STAM: variants seen among roughly 807,000 people sequenced by gnomAD.
STAM encodes the protein signal transducing adaptor molecule.
A neutral mutation model predicts 63.4 loss-of-function variants in STAM; 16 were observed. That is an observed-to-expected ratio of 0.25 (90% CI 0.17 to 0.38). The LOEUF (loss-of-function observed/expected upper bound fraction) is 0.38. Ranked by LOEUF, STAM falls within the 10% of genes least tolerant of loss-of-function variation. STAM has a pLI of 1.00. For synonymous variants in STAM, 238 were observed against 223.9 expected, an observed-to-expected ratio of 1.06 and a Z score of -0.56; for missense variants, 636 against 657.1, an observed-to-expected ratio of 0.97 and a Z score of 0.35.
At chr10:17,706,369 CTTTTTTTTTTTTTT>C (rs59585445) in intron 12 of STAM, among the ~76,000 whole-genome samples, 1 of 70,184 alleles carries the variant, frequency 1.4e-5, no homozygotes, top group Admixed American at 2.1e-4. Flanking sequence ...GGTTGAGGCC[CTTTTTTTTTTTTTT>C]TTTTTTTTTT....
chr10:17,687,673 T>C (rs141191429), intron 4 of STAM, among the ~76,000 whole-genome samples: 1 of 152,320 alleles, frequency 6.6e-6, no homozygotes, highest in East Asian at 1.9e-4. Context: ...ATAAAGGAAC[T>C]GTATCATTTA....
chr10:17,644,389 T>C lies in STAM; in HGVS notation c.40+10T>C, dbSNP rs546533993. ...TTCGATCAGGATGTTGGTAAGTGTT[T>C]TTGCCTCTCCCTGCCCATTCCTCAC... On this transcript the variant is annotated intron_variant, in intron 1 of 13. Coordinates refer to ENST00000377524, the MANE Select transcript of STAM (RefSeq NM_003473.4). 2.0e-4 allele frequency: 315 copies of C among 1,614,062 alleles called. No homozygotes were observed. In the South Asian group the frequency reaches 3.3e-3, roughly 17 times the overall value.
intron 6 of STAM, 53 bp from the exon 7 acceptor site, chr10:17,694,996 A>C (rs767787522): frequency 1.6e-5 from 24 of 1,535,726 alleles, no homozygotes; most frequent in Non-Finnish European, 2.0e-5. Context: ...CTACTTCTTC[A>C]GACTGTTGGA....
intron 2 of STAM, among the ~76,000 whole-genome samples, chr10:17,680,607 A>G (rs1554825233): frequency 6.6e-6 from 1 of 151,932 alleles, no homozygotes. Flanking sequence ...GGGTCCCACT[A>G]TATTGCCCAG....
chr10:17,644,826 G>A (rs1190727599), intron 1 of STAM, among the ~76,000 whole-genome samples: 2 of 152,172 alleles, frequency 1.3e-5, no homozygotes, highest in Non-Finnish European at 2.9e-5. Flanking sequence ...TTCCTTAGAG[G>A]ATTTTAAAAT....
chr10:17,700,821 C>CT (rs1554828320), intron 9 of STAM, among the ~76,000 whole-genome samples: 1 of 152,140 alleles, frequency 6.6e-6, no homozygotes, highest in Non-Finnish European at 1.5e-5. Context: ...CACTCATTGA[C>CT]TATCTATTGA....
chr10:17,662,271 T>G (rs1283945080), intron 2 of STAM, among the ~76,000 whole-genome samples: 15 of 152,168 alleles, frequency 9.9e-5, no homozygotes, highest in African/African-American at 3.1e-4. Flanking sequence ...CCAGTGCTTT[T>G]TTTCTACCTT....
At chr10:17,700,124 T>A (rs1835924186) in intron 8 of STAM, 67 bp from the exon 9 acceptor site, 1 of 1,314,934 alleles carries the variant, frequency 7.6e-7, no homozygotes, top group Non-Finnish European at 1.0e-6. Flanking sequence ...CTCTTGGAAG[T>A]TAAAGTGCTT....
rs782598564 is a variant in STAM at position 17,714,957 on chromosome 10, C to A, written c.*177C>A. ...AATTTACACTGACTTTTTAGAGGTT[C>A]TTCCCCCCCCGCCCCTGCAGAGGAA... On this transcript the variant is annotated 3_prime_UTR_variant, in exon 14 of 14. Coordinates refer to ENST00000377524, the MANE Select transcript of STAM (RefSeq NM_003473.4). 4.2e-4 allele frequency: 258 copies of A among 610,852 alleles called. 1 individual carries two copies. Among genetic ancestry groups the A allele is most frequent in the Non-Finnish European group, 3.0e-4 (104 of 348,482 alleles). The allele number at this position is 610,852 out of a possible 1,614,324, so 37.8% of individuals were successfully genotyped here.
chr10:17,654,345 C>G lies in STAM; in HGVS notation c.41-6119C>G, dbSNP rs555994352. On this transcript the variant is annotated intron_variant, in intron 1 of 13. Transcript: ENST00000377524. ...TCACGCCATTCTCCTGCCTCAGCCTCCCAGGTAGCTGGGACTACATGCGCC... is the reference window on the plus strand; with the variant it reads ...TCACGCCATTCTCCTGCCTCAGCCTGCCAGGTAGCTGGGACTACATGCGCC... Among the ~76,000 whole-genome samples, 335 of 152,180 alleles carry G rather than the reference C, an allele frequency of 2.2e-3. 1 individual carries two copies. The highest frequency in any genetic ancestry group is 3.7e-3 in the Non-Finnish European group (254 of 68,028).
chr10:17,668,528 C>G (rs1324777498), intron 2 of STAM, among the ~76,000 whole-genome samples: 2 of 152,156 alleles, frequency 1.3e-5, no homozygotes, highest in Non-Finnish European at 2.9e-5. Flanking sequence ...TGACATGTGT[C>G]TACCATTGTG....
chr10:17,703,425 T>A (rs1051413279), intron 9 of STAM, among the ~76,000 whole-genome samples: 3 of 152,092 alleles, frequency 2.0e-5, no homozygotes, highest in Non-Finnish European at 4.4e-5. Flanking sequence ...ACATAGTTTT[T>A]AAATTTTAAA....
At chr10:17,673,293 C>T (rs7076634) in intron 2 of STAM, among the ~76,000 whole-genome samples, 15,131 of 152,138 alleles carry the variant, frequency 0.099, 804 homozygotes, top group Middle Eastern at 0.15. Flanking sequence ...TTCCACTTAG[C>T]GAACTCAGTG....
chr10:17,710,594 C>T (rs1422899112), intron 13 of STAM, among the ~76,000 whole-genome samples: 1 of 152,328 alleles, frequency 6.6e-6, no homozygotes, highest in African/African-American at 2.4e-5. Context: ...CAGCACTGTT[C>T]CTCCTGTGTG....
intron 13 of STAM, among the ~76,000 whole-genome samples, chr10:17,711,314 GATA>G (rs1321113475): frequency 2.0e-5 from 3 of 152,128 alleles, no homozygotes; most frequent in Non-Finnish European, 4.4e-5. Flanking sequence ...ATTATAAGGT[GATA>G]ATAAGTGACA....
Position 17,644,399 on chromosome 10 carries a change from C to T in STAM, c.40+20C>T, listed in dbSNP as rs1554820535. The T allele has an allele frequency of 3.7e-6, 6 of 1,613,906 alleles. No individual in the cohort carries two copies. The Admixed American group carries it at 1.0e-4, about 27-fold the overall frequency. On this transcript the variant is annotated intron_variant, in intron 1 of 13. Coordinates refer to ENST00000377524, the MANE Select transcript of STAM (RefSeq NM_003473.4). ...ATGTTGGTAAGTGTTTTTGCCTCTCCCTGCCCATTCCTCACCGGACTGCAC... is the reference window on the plus strand; with the variant it reads ...ATGTTGGTAAGTGTTTTTGCCTCTCTCTGCCCATTCCTCACCGGACTGCAC...
At chr10:17,683,580 T>A (rs1242212182) in intron 2 of STAM, among the ~76,000 whole-genome samples, 1 of 152,212 alleles carries the variant, frequency 6.6e-6, no homozygotes, top group Non-Finnish European at 1.5e-5. Flanking sequence ...TCAAATTTAC[T>A]GATCTTTCAT....
At chr10:17,653,392 A>G (rs527579106) in intron 1 of STAM, among the ~76,000 whole-genome samples, 4 of 152,322 alleles carry the variant, frequency 2.6e-5, no homozygotes, top group East Asian at 1.9e-4. Flanking sequence ...TTGATAAAAC[A>G]GGATAAAAAC....
rs1554830630 is a variant in STAM, at chr10:17,714,770, C to T, written c.1613C>T (p.Ala538Val). ...PQPQQPYSQK[A>V]LL ...CCACAGCAACCATATTCTCAGAAGG[C>T]TCTGCTATAGGACCCGGTGTTCCTC... Residue 538 changes from alanine to valine, a missense_variant, in exon 14 of 14, where the codon GCT becomes GTT. Coordinates refer to ENST00000377524, the MANE Select transcript of STAM (RefSeq NM_003473.4). The T allele has an allele frequency of 1.2e-6, 2 of 1,614,078 alleles. No individual in the cohort carries two copies. Among genetic ancestry groups the T allele is most frequent in the Non-Finnish European group, 1.7e-6 (2 of 1,179,984 alleles).
Sources: allele counts gnomAD v4.1 joint callset (sites outside exome capture counted in the v4.1 genomes callset), GRCh38; gene constraint gnomAD v4.1.1; transcripts MANE v1.5; gene names NCBI Gene and HGNC (gene_info 2026-07-23, HGNC 2026-07-21).